Variants in TARBP1 observed in about 807,000 individuals in gnomAD.
TARBP1 encodes tRNA (guanosine(18)-2'-O)-methyltransferase TARBP1.
A neutral mutation model predicts 178.6 loss-of-function variants in TARBP1; 144 were observed. That is an observed-to-expected ratio of 0.81 (90% CI 0.70 to 0.93). The LOEUF (loss-of-function observed/expected upper bound fraction) is 0.93, where lower values mean the gene tolerates loss of function less well. TARBP1 is among the 40% of genes least tolerant of loss of function. The pLI, the probability that TARBP1 is intolerant of heterozygous loss-of-function variation, is 0.00. For synonymous variants in TARBP1, 787 were observed against 781.0 expected (o/e 1.01, Z -0.13); for missense variants, 2,067 against 2,011.7 (o/e 1.03, Z -0.53).
chr1:234,410,464 G>T lies in TARBP1; in HGVS notation c.3773C>A (p.Thr1258Asn). 6.7e-7 allele frequency: 1 copy of T among 1,492,504 alleles called. No individual in the cohort carries two copies. The highest frequency in any genetic ancestry group is 9.2e-7 in the Non-Finnish European group (1 of 1,087,936). 92.5% of individuals were successfully genotyped at this position (1,492,504 alleles called of 1,614,324 possible). Residue 1258 changes from threonine to asparagine, a missense_variant, in exon 23 of 30, where the codon ACT becomes AAT. Thr to Asn is a moderately conservative substitution (Grantham distance 65). Coordinates refer to ENST00000040877, the MANE Select transcript of TARBP1 (RefSeq NM_005646.4). ...ACTTACCTTTTCTGGAATATTTTGA[G>T]TAATAATGTCTAAATGTGATAAAAC... ...LAVLSHLDIITQNIPEKKLIL... is the reference protein window; with the variant it reads ...LAVLSHLDIINQNIPEKKLIL...
At chr1:234,408,773 A>T (rs1222547794) in intron 23 of TARBP1, among the ~76,000 whole-genome samples, 1 of 151,562 alleles carries the variant, frequency 6.6e-6, no homozygotes, top group East Asian at 1.9e-4. Context: ...ATCCTTAAAA[A>T]CTCTGATCCC....
chr1:234,469,161 G>T (rs1218508499), intron 3 of TARBP1, among the ~76,000 whole-genome samples: 1 of 144,328 alleles, frequency 6.9e-6, no homozygotes, highest in Non-Finnish European at 1.5e-5. Context: ...TATTTATTCA[G>T]TAAATATATA....
intron 9 of TARBP1, among the ~76,000 whole-genome samples, chr1:234,456,305 A>C (rs185247359): frequency 6.6e-6 from 1 of 152,200 alleles, no homozygotes; most frequent in Admixed American, 6.5e-5. Context: ...GATTCAAGCA[A>C]TTCTCCTGTC....
intron 29 of TARBP1, among the ~76,000 whole-genome samples, 196 bp downstream of exon 29, chr1:234,392,220 C>T (rs774001248): frequency 6.6e-6 from 1 of 152,170 alleles, no homozygotes; most frequent in Non-Finnish European, 1.5e-5. Flanking sequence ...CCTGTAATCC[C>T]AGCTACTTGG....
chr1:234,433,873 T>C (rs778821565), intron 13 of TARBP1, among the ~76,000 whole-genome samples: 1 of 152,238 alleles, frequency 6.6e-6, no homozygotes, highest in Non-Finnish European at 1.5e-5. Context: ...CCAATTCTTA[T>C]GTCCCTAGGG....
intron 8 of TARBP1, 112 bp downstream of exon 8, chr1:234,459,118 T>C (rs987934413): frequency 3.5e-5 from 24 of 681,666 alleles, no homozygotes; most frequent in Admixed American, 5.8e-5. Context: ...ATTATTTTAT[T>C]ACAAGCAGGC....
intron 6 of TARBP1, among the ~76,000 whole-genome samples, chr1:234,462,350 G>A (rs1008979612): frequency 6.6e-6 from 1 of 152,150 alleles, no homozygotes; most frequent in Non-Finnish European, 1.5e-5. Context: ...TCCCCATATG[G>A]CTGCAGCCCA....
At chr1:234,442,053 C>T (rs151257508) in intron 12 of TARBP1, among the ~76,000 whole-genome samples, 1 of 125,988 alleles carries the variant, frequency 7.9e-6, no homozygotes, top group East Asian at 2.0e-4. Flanking sequence ...TGCAACTACA[C>T]CAGCAAAGGC....
At chr1:234,451,834 A>C (rs1482126350) in intron 9 of TARBP1, among the ~76,000 whole-genome samples, 2 of 151,936 alleles carry the variant, frequency 1.3e-5, no homozygotes, top group African/African-American at 4.8e-5. Flanking sequence ...TGAGTGAGCA[A>C]GTCAATGACG....
At chr1:234,425,419 T>C (rs1337362625) in intron 20 of TARBP1, among the ~76,000 whole-genome samples, 1 of 152,168 alleles carries the variant, frequency 6.6e-6, no homozygotes, top group Non-Finnish European at 1.5e-5. Flanking sequence ...AAGGTCTCAC[T>C]ATGTTGCCCC....
At chr1:234,414,074 G>A (rs559929410) in intron 22 of TARBP1, among the ~76,000 whole-genome samples, 5 of 152,298 alleles carry the variant, frequency 3.3e-5, no homozygotes, top group South Asian at 2.1e-4. Flanking sequence ...CAAGGAAAAC[G>A]TCTACAGCAA....
intron 1 of TARBP1, among the ~76,000 whole-genome samples, chr1:234,477,728 G>A (rs1405438771): frequency 6.6e-6 from 1 of 152,242 alleles, no homozygotes; most frequent in Non-Finnish European, 1.5e-5. Context: ...TCAGAAGAGT[G>A]TGATGGCCTC....
chr1:234,451,742 C>G lies in TARBP1; in HGVS notation c.1723-1176G>C, dbSNP rs1182152086. On this transcript the variant is annotated intron_variant, in intron 9 of 29. Coordinates refer to ENST00000040877, the MANE Select transcript of TARBP1 (RefSeq NM_005646.4). ...CCAGCCTGGGCGACAGAGCGAGACT[C>G]CGTCTCAAAAAAAAAAAAAAAAAAT... 1.5e-3 allele frequency among the ~76,000 whole-genome samples: 2 copies of G among 1,352 alleles called. 1 individual carries two copies. Among genetic ancestry groups the G allele is most frequent in the Non-Finnish European group, 2.1e-3 (2 of 944 alleles). 0.9% of individuals were successfully genotyped at this position (1,352 alleles called of 152,430 possible). A position where few individuals can be genotyped will look rare whatever the true frequency, so the allele number is the denominator to read the frequency against.
rs1334182878 is a variant in TARBP1, at chr1:234,401,199, G to C, written c.4053C>G (p.Leu1351=). ...TACTCACCTCTAGACAATAATCCTT[G>C]AGTGGGTGAAATGTTGCAAAAAAGA... is the stretch of plus-strand genomic sequence containing the variant. The part of the protein sequence containing the change: ...EHFFFATFHP[L]KDYCLETIFY... Residue 1351 remains leucine (L), a synonymous_variant, in exon 25 of 30, where the codon CTC becomes CTG. Coordinates refer to ENST00000040877, the MANE Select transcript of TARBP1 (RefSeq NM_005646.4). 1 of 1,613,070 alleles carries C rather than the reference G, an allele frequency of 6.2e-7. No individual in the cohort carries two copies. The highest frequency in any genetic ancestry group is 8.5e-7 in the Non-Finnish European group (1 of 1,179,462).
intron 22 of TARBP1, among the ~76,000 whole-genome samples, chr1:234,412,279 G>A (rs1661903326): frequency 6.6e-6 from 1 of 152,064 alleles, no homozygotes. Flanking sequence ...AAAATTAGCT[G>A]GGCATGGTGG....
At chr1:234,465,752 G>A (rs1338951778) in intron 4 of TARBP1, 44 bp from the exon 5 acceptor site, 1 of 1,483,068 alleles carries the variant, frequency 6.7e-7, no homozygotes, top group Non-Finnish European at 9.0e-7. Context: ...AAACTTAGTT[G>A]TAAATACAAT....
chr1:234,433,549 T>A lies in TARBP1; in HGVS notation c.2255A>T (p.His752Leu). The change falls in exon 14 of 30, where the codon CAT (histidine) becomes CTT (leucine). Residue 752 changes from histidine (H) to leucine (L), a missense_variant. His to Leu is a moderately conservative substitution (Grantham distance 99, BLOSUM62 -3). Transcript: ENST00000040877. The part of the protein sequence containing the change: ...LNSVSDLDRC[H>L]LYLMVLTELI... The stretch of plus-strand genomic sequence containing the variant: ...CTCAGTTAACACCATCAGGTATAAA[T>A]GGCAACGATCCAGATCTGAAACCTA... The A allele has an allele frequency of 6.2e-7, 1 of 1,613,068 alleles. No individual in the cohort carries two copies. The highest frequency in any genetic ancestry group is 1.3e-5 in the African/African-American group (1 of 74,944).
chr1:234,391,812 T>C, intron 29 of TARBP1, 67 bp from the exon 30 acceptor site: 2 of 1,493,160 alleles, frequency 1.3e-6, no homozygotes, highest in Non-Finnish European at 1.8e-6. Flanking sequence ...TGATATTCTT[T>C]TTATTTTTTG....
At chr1:234,474,801 C>G (rs1311207608) in intron 1 of TARBP1, among the ~76,000 whole-genome samples, 2 of 152,098 alleles carry the variant, frequency 1.3e-5, no homozygotes, top group Non-Finnish European at 2.9e-5. Context: ...CTCATTAGGA[C>G]ATAGAAAACC....
Sources: allele counts gnomAD v4.1 joint callset (sites outside exome capture counted in the v4.1 genomes callset), GRCh38; gene constraint gnomAD v4.1.1; transcripts MANE v1.5; gene names NCBI Gene and HGNC (gene_info 2026-07-23, HGNC 2026-07-21).